The following SPHKAP variants were observed in gnomAD, a reference collection of about 807,000 sequenced individuals.
SPHKAP encodes SPHK1 interactor, AKAP domain containing.
Under a neutral mutation model 137.5 loss-of-function variants are expected in SPHKAP, and 67 were observed. That is an observed-to-expected ratio of 0.49 (90% confidence interval 0.40 to 0.60). The LOEUF (loss-of-function observed/expected upper bound fraction) is 0.60. SPHKAP is among the 20% of genes least tolerant of loss of function. SPHKAP has a pLI of 0.00. For missense variants in SPHKAP, 2,097 were observed against 2,069.3 expected, an observed-to-expected ratio of 1.01 and a Z score of -0.26; for synonymous variants, 813 against 785.3, an observed-to-expected ratio of 1.04 and a Z score of -0.59.
chr2:228,012,163 C>CAAAAAAAAAAAA (rs544782857), intron 7 of SPHKAP, among the ~76,000 whole-genome samples: 58 of 84,892 alleles, frequency 6.8e-4, no homozygotes, highest in Non-Finnish European at 8.7e-4. Context: ...GACTCTACCT[C>CAAAAAAAAAAAA]AAAAAAAAAA....
At chr2:228,171,531 C>A (rs1700584506) in intron 1 of SPHKAP, among the ~76,000 whole-genome samples, 1 of 152,084 alleles carries the variant, frequency 6.6e-6, no homozygotes, top group Non-Finnish European at 1.5e-5. Context: ...GGTCACCTGT[C>A]AATTATGTCA....
intron 1 of SPHKAP, chr2:228,172,906 C>A (rs899787514): frequency 3.2e-5 from 13 of 410,104 alleles, no homozygotes; most frequent in Non-Finnish European, 3.9e-5. Context: ...TTTGCATTGG[C>A]CAAATCATAT....
chr2:228,011,216 C>T (rs909720990), intron 7 of SPHKAP, among the ~76,000 whole-genome samples: 1 of 135,070 alleles, frequency 7.4e-6, no homozygotes, highest in African/African-American at 2.8e-5. Context: ...AGAGCTTGAA[C>T]CCTCAAAGAT....
At chr2:228,166,812 C>T (rs1006179247) in intron 1 of SPHKAP, among the ~76,000 whole-genome samples, 4 of 152,222 alleles carry the variant, frequency 2.6e-5, no homozygotes, top group South Asian at 2.1e-4. Flanking sequence ...ATAAAGAAAG[C>T]AGGTTTAATT....
chr2:228,080,755 AATAAAATAAAATAAAATAAAATAAAAT>A (rs2106314489), intron 3 of SPHKAP, among the ~76,000 whole-genome samples: 1 of 141,924 alleles, frequency 7.0e-6, no homozygotes, highest in African/African-American at 2.8e-5. Context: ...AATAAAATAA[AATAAAATAAAATAAAATAAAATAAAAT>A]AAAACCAAAC....
At chr2:228,078,606 A>G (rs74655368) in intron 3 of SPHKAP, among the ~76,000 whole-genome samples, 1,533 of 152,292 alleles carry the variant, frequency 0.01, 40 homozygotes, top group African/African-American at 0.035. Flanking sequence ...CTACAGAAAC[A>G]TCAAGTCAAA....
At chr2:228,045,977 C>T (rs905640167) in intron 3 of SPHKAP, among the ~76,000 whole-genome samples, 2 of 151,992 alleles carry the variant, frequency 1.3e-5, no homozygotes, top group African/African-American at 2.4e-5. Context: ...TGAATCAGTT[C>T]TGGAGATCTA....
intron 1 of SPHKAP, among the ~76,000 whole-genome samples, chr2:228,148,235 T>A (rs895195864): frequency 3.3e-5 from 5 of 152,184 alleles, no homozygotes; most frequent in African/African-American, 1.2e-4. Flanking sequence ...AGAGGGGTAC[T>A]TGGGTCATTG....
chr2:228,111,916 A>T (rs913998734), intron 2 of SPHKAP, among the ~76,000 whole-genome samples: 1 of 152,000 alleles, frequency 6.6e-6, no homozygotes, highest in Non-Finnish European at 1.5e-5. Flanking sequence ...ATAAAACTAC[A>T]TTTTCTTATG....
chr2:228,035,602 G>A (rs1343260479), intron 3 of SPHKAP, among the ~76,000 whole-genome samples: 1 of 152,194 alleles, frequency 6.6e-6, no homozygotes, highest in East Asian at 1.9e-4. Context: ...GAACAAAGCT[G>A]GAGGCATCAC....
intron 3 of SPHKAP, among the ~76,000 whole-genome samples, chr2:228,088,838 G>A (rs566008875): frequency 4.7e-4 from 72 of 152,274 alleles, no homozygotes; most frequent in African/African-American, 1.6e-3. Flanking sequence ...CAGAAGCTGA[G>A]CATATACCAG....
chr2:228,017,274 ACTC>A lies in SPHKAP; in HGVS notation c.3577_3579del (p.Glu1193del). The stretch of plus-strand genomic sequence containing the variant: ...ATGTCCCTCAGCATGTACCTGTAGA[ACTC>A]CTCAGTGATGCTCTCTGTGCTGGAC... On this transcript the variant is annotated inframe_deletion, in exon 7 of 12. Transcript: ENST00000392056. 6.2e-7 allele frequency: 1 copy of A among 1,613,564 alleles called. No individual in the cohort carries two copies. The highest frequency in any genetic ancestry group is 1.1e-5 in the South Asian group (1 of 91,052).
chr2:228,158,441 A>G (rs1160050165), intron 1 of SPHKAP, among the ~76,000 whole-genome samples: 6 of 151,690 alleles, frequency 4.0e-5, no homozygotes, highest in Non-Finnish European at 8.8e-5. Flanking sequence ...AGGAGTGGGA[A>G]GAACCAGAGA....
At chr2:228,024,511 G>GTGAT (rs1228096688) in intron 5 of SPHKAP, among the ~76,000 whole-genome samples, 2 of 152,108 alleles carry the variant, frequency 1.3e-5, no homozygotes, top group African/African-American at 2.4e-5. Flanking sequence ...TCAGGGAGAT[G>GTGAT]TGATTACCTG....
At chr2:228,079,885 C>T (rs759535440) in intron 3 of SPHKAP, among the ~76,000 whole-genome samples, 2 of 152,212 alleles carry the variant, frequency 1.3e-5, no homozygotes, top group Admixed American at 6.5e-5. Context: ...CCCCTAAACG[C>T]TAGCAGCAAG....
intron 3 of SPHKAP, among the ~76,000 whole-genome samples, chr2:228,069,134 G>A (rs2106298476): frequency 6.6e-6 from 1 of 152,276 alleles, no homozygotes; most frequent in Middle Eastern, 3.4e-3. Context: ...GGGTGTGGTG[G>A]CAGGTGCCTG....
intron 7 of SPHKAP, among the ~76,000 whole-genome samples, chr2:228,009,850 A>G (rs574670195): frequency 3.9e-5 from 6 of 152,304 alleles, no homozygotes; most frequent in African/African-American, 1.2e-4. Flanking sequence ...TGTATGTAAC[A>G]TGGATTCTTC....
intron 3 of SPHKAP, among the ~76,000 whole-genome samples, chr2:228,085,738 G>GT (rs1435785137): frequency 6.6e-6 from 1 of 152,040 alleles, no homozygotes; most frequent in African/African-American, 2.4e-5. Flanking sequence ...TCCGTTACAG[G>GT]TTTTCAGATT....
At chr2:228,036,099 T>C (rs1695580436) in intron 3 of SPHKAP, among the ~76,000 whole-genome samples, 2 of 150,200 alleles carry the variant, frequency 1.3e-5, no homozygotes, top group South Asian at 2.2e-4. Flanking sequence ...ACAGGCAACC[T>C]ACAGAATGGG....
Sources: gnomAD v4.1 joint callset for allele counts (sites outside exome capture counted in the v4.1 genomes callset) on GRCh38, gnomAD v4.1.1 for gene constraint, MANE v1.5 for transcripts, NCBI Gene and HGNC (gene_info 2026-07-23, HGNC 2026-07-21) for gene names.